VIT: variants seen among roughly 807,000 people sequenced by gnomAD.
The protein encoded by VIT is vitrin.
In VIT, 99 loss-of-function variants were observed where a neutral mutation model predicts 78.0. That is an observed-to-expected ratio of 1.27 (90% confidence interval 1.08 to 1.50). The LOEUF (loss-of-function observed/expected upper bound fraction) is 1.50. Among genes scored for constraint, VIT ranks in the 40% most tolerant of loss-of-function variants. The pLI is 0.00. For synonymous variants in VIT, 374 were observed against 334.3 expected (o/e 1.12, Z -1.29); for missense variants, 1,126 against 875.3 (o/e 1.29, Z -3.61).
At chr2:36,737,716 G>T (rs1295341587) in intron 3 of VIT, among the ~76,000 whole-genome samples, 1 of 152,194 alleles carries the variant, frequency 6.6e-6, no homozygotes, top group African/African-American at 2.4e-5. Context: ...CACTGATGAA[G>T]AGAAATACGA....
intron 6 of VIT, 133 bp downstream of exon 6, chr2:36,759,179 C>T (rs979521526): frequency 3.2e-6 from 5 of 1,585,280 alleles, no homozygotes; most frequent in Non-Finnish European, 3.4e-6. Context: ...TAACAGATGC[C>T]AGGAACATGG....
At position 36,805,679 on chromosome 2, in the gene VIT, G is replaced by C. The variant is rs370352508; in HGVS notation, c.1389+15G>C. 5 of 1,603,768 alleles carry C rather than the reference G, an allele frequency of 3.1e-6. No individual in the cohort carries two copies. Among genetic ancestry groups the C allele is most frequent in the Middle Eastern group, 1.7e-4 (1 of 5,954 alleles). Reference sequence around the variant, plus strand: ...TTGCAAACAAGGTAGATGACTGCCCGGAGACCTACCCAACATCAGGATTTT... The same window carrying C: ...TTGCAAACAAGGTAGATGACTGCCCCGAGACCTACCCAACATCAGGATTTT... On this transcript the variant is annotated intron_variant, in intron 14 of 15. Coordinates refer to ENST00000379242, the MANE Select transcript of VIT (RefSeq NM_053276.4).
chr2:36,729,295 T>A (rs1667049211), intron 2 of VIT, 131 bp from the exon 3 acceptor site: 2 of 682,626 alleles, frequency 2.9e-6, no homozygotes, highest in East Asian at 6.0e-5. Flanking sequence ...AAGTGATGCA[T>A]GACTGTAAGA....
intron 3 of VIT, 64 bp from the exon 4 acceptor site, chr2:36,743,036 A>G: frequency 6.3e-7 from 1 of 1,594,622 alleles, no homozygotes; most frequent in South Asian, 1.1e-5. Flanking sequence ...GAGACCTAAC[A>G]GTGTCACCCC....
intron 2 of VIT, among the ~76,000 whole-genome samples, chr2:36,723,931 A>C (rs1297563286): frequency 3.4e-5 from 5 of 145,810 alleles, no homozygotes. Context: ...AGCCTGGGCA[A>C]GATAAGAAAA....
chr2:36,713,221 A>C (rs1330410311), intron 1 of VIT, among the ~76,000 whole-genome samples: 1 of 152,226 alleles, frequency 6.6e-6, no homozygotes, highest in East Asian at 1.9e-4. Context: ...ATTTAAGCAA[A>C]GATTTGAAAG....
chr2:36,778,736 T>C (rs1670220542), intron 9 of VIT, among the ~76,000 whole-genome samples: 1 of 152,124 alleles, frequency 6.6e-6, no homozygotes, highest in South Asian at 2.1e-4. Flanking sequence ...CCCACCCTCT[T>C]AGTGCTCCCC....
In VIT at chr2:36,767,275, C is replaced by G. The variant is rs904945669; in HGVS notation, c.669C>G (p.Ser223Arg). 6.4e-7 allele frequency: 1 copy of G among 1,568,476 alleles called. No homozygotes were observed. The highest frequency in any genetic ancestry group is 8.6e-7 in the Non-Finnish European group (1 of 1,158,282). Residue 223 changes from serine to arginine, a missense_variant, in exon 7 of 16, where the codon AGC (serine) becomes AGG (arginine). Physicochemically the swap from Ser to Arg is moderately radical, Grantham distance 110 (BLOSUM62 -1). Transcript: ENST00000379242. ...IPRPQSVGHRSQEMDLWSTAT... is the reference protein window; with the variant it reads ...IPRPQSVGHRRQEMDLWSTAT... ...GACCACAATCAGTGGGCCACAGGAG[C>G]CAGGAGATGGGTCAGTAGGTAGACC...
chr2:36,759,198 A>G, intron 6 of VIT, 152 bp downstream of exon 6: 2 of 1,569,940 alleles, frequency 1.3e-6, no homozygotes, highest in Non-Finnish European at 1.7e-6. Flanking sequence ...GGGCACAGAA[A>G]TCAATGAGAT....
intron 3 of VIT, among the ~76,000 whole-genome samples, chr2:36,737,259 C>T (rs1475322355): frequency 6.6e-6 from 1 of 152,088 alleles, no homozygotes; most frequent in African/African-American, 2.4e-5. Context: ...GGTCAGGAAG[C>T]AGTGAAAGGC....
chr2:36,781,612 T>C, intron 9 of VIT, 115 bp from the exon 10 acceptor site: 1 of 1,190,766 alleles, frequency 8.4e-7, no homozygotes, highest in Admixed American at 2.1e-5. Flanking sequence ...CCTCTGTTCC[T>C]TTATTGAACT....
At chr2:36,771,556 A>G (rs1029912791) in intron 7 of VIT, among the ~76,000 whole-genome samples, 35 of 152,066 alleles carry the variant, frequency 2.3e-4, no homozygotes, top group Non-Finnish European at 3.7e-4. Context: ...AAAAGAAAAA[A>G]AAAAAAGATG....
In VIT at chr2:36,814,088, G is replaced by C. The variant is rs369872817; in HGVS notation, c.1904-95G>C. 12 of 1,459,582 alleles carry C rather than the reference G, an allele frequency of 8.2e-6. No individual in the cohort carries two copies. In the African/African-American group the frequency reaches 1.5e-4, roughly 19 times the overall value. 90.4% of individuals were successfully genotyped at this position (1,459,582 alleles called of 1,614,324 possible). A position where few individuals can be genotyped will look rare whatever the true frequency, so the allele number is the denominator to read the frequency against. ...TTGTTTGGGCATATTTCTGATTTTG[G>C]ATTTGGCTGTGCCAACAGGGCCACA... On this transcript the variant is annotated intron_variant, in intron 15 of 15. Transcript: ENST00000379242.
intron 6 of VIT, among the ~76,000 whole-genome samples, chr2:36,760,648 G>A (rs572413424): frequency 6.6e-6 from 1 of 152,296 alleles, no homozygotes; most frequent in Non-Finnish European, 1.5e-5. Context: ...GCTCTGCAGA[G>A]CCAGAGGAAA....
intron 9 of VIT, 44 bp downstream of exon 9, chr2:36,775,111 C>A: frequency 6.2e-7 from 1 of 1,607,336 alleles, no homozygotes; most frequent in South Asian, 1.1e-5. Flanking sequence ...TAGGAATTTG[C>A]TCTGTGGCAC....
Position 36,698,412 on chromosome 2 carries a change from T to C in VIT, c.-19+1439T>C, listed in dbSNP as rs138159400. ...CAGCTATGATTCCTATAAGACACAT[T>C]GAATACAGGAAAGCAGTATGGTTCA... On this transcript the variant is annotated intron_variant, in intron 1 of 15. Transcript: ENST00000379242. 7.6e-4 allele frequency among the ~76,000 whole-genome samples: 115 copies of C among 152,278 alleles called. 1 individual carries two copies. In the East Asian group the frequency reaches 0.02, roughly 27 times the overall value.
chr2:36,759,053 G>A lies in VIT; in HGVS notation c.487+7G>A. 1 of 1,614,066 alleles carries A rather than the reference G, an allele frequency of 6.2e-7. No homozygotes were observed. The highest frequency in any genetic ancestry group is 8.5e-7 in the Non-Finnish European group (1 of 1,180,042). On this transcript the variant is annotated splice_region_variant and intron_variant, in intron 6 of 15. Transcript: ENST00000379242. ...AGTCCAGCTGCCCAAGCAGGCAAGT[G>A]CTCACGTGTGATTGAATCTAAACCT... is the stretch of plus-strand genomic sequence containing the variant.
chr2:36,734,063 C>G (rs1667362314), intron 3 of VIT, among the ~76,000 whole-genome samples: 1 of 152,274 alleles, frequency 6.6e-6, no homozygotes, highest in East Asian at 1.9e-4. Flanking sequence ...TCAGCATCAT[C>G]CGGGACCTTT....
intron 14 of VIT, among the ~76,000 whole-genome samples, chr2:36,807,664 G>T (rs1012224744): frequency 6.6e-6 from 1 of 152,150 alleles, no homozygotes; most frequent in Non-Finnish European, 1.5e-5. Context: ...GAAACACCAC[G>T]CCTTGGGAAC....
Sources: allele counts gnomAD v4.1 joint callset (sites outside exome capture counted in the v4.1 genomes callset), GRCh38; gene constraint gnomAD v4.1.1; transcripts MANE v1.5; gene names NCBI Gene and HGNC (gene_info 2026-07-23, HGNC 2026-07-21).